The following UNC13C variants were observed in gnomAD, a reference collection of about 807,000 sequenced individuals.
UNC13C encodes the protein unc-13 homolog C.
UNC13C carries 174 observed loss-of-function variants against 245.4 expected under a neutral mutation model. The ratio of observed to expected loss-of-function variants is 0.71; its 90% CI spans 0.63 to 0.80. The LOEUF (loss-of-function observed/expected upper bound fraction) is 0.80, where lower values mean the gene tolerates loss of function less well. Ranked by LOEUF, UNC13C falls within the 30% of genes least tolerant of loss-of-function variation. The probability of loss-of-function intolerance (pLI) is 0.00; values close to 1 mark genes in which losing one functional copy is unlikely to be tolerated. For synonymous variants in UNC13C, 992 were observed against 895.1 expected (o/e 1.11, Z -1.93); for missense variants, 2,829 against 2,602.9 (o/e 1.09, Z -1.89).
chr15:53,992,393 G>A (rs1894431682), intron 1 of UNC13C, among the ~76,000 whole-genome samples: 1 of 152,004 alleles, frequency 6.6e-6, no homozygotes, highest in Admixed American at 6.6e-5. Context: ...TTGGTCTGGA[G>A]GTCCAGGAGG....
At chr15:54,011,453 A>C (rs908330613) in intron 1 of UNC13C, among the ~76,000 whole-genome samples, 17 of 152,318 alleles carry the variant, frequency 1.1e-4, no homozygotes, top group African/African-American at 4.1e-4. Flanking sequence ...ATGGGTAGAA[A>C]ATTTTATTCG....
chr15:53,889,184 C>T, the UNC13C span, among the ~76,000 whole-genome samples: 6 of 152,184 alleles, frequency 3.9e-5, no homozygotes, highest in Non-Finnish European at 7.3e-5. Context: ...TATCTATGAG[C>T]ATGGAATGTT....
In UNC13C at chr15:54,586,740, C is replaced by G. The variant is rs1898510177; in HGVS notation, c.6106+18793C>G. 3.3e-5 allele frequency among the ~76,000 whole-genome samples: 5 copies of G among 152,284 alleles called. No homozygotes were observed. In the South Asian group the frequency reaches 1.0e-3, roughly 32 times the overall value. ...TGTCATCATGCAGATGCAAGTAATG[C>G]AAGTTGCAAGTAATAATCAAGGAAA... On this transcript the variant is annotated intron_variant, in intron 30 of 32. Transcript: ENST00000260323.
chr15:54,089,009 T>C (rs139963121), intron 2 of UNC13C, among the ~76,000 whole-genome samples: 1 of 152,264 alleles, frequency 6.6e-6, no homozygotes, highest in African/African-American at 2.4e-5. Flanking sequence ...CTTGGCAATG[T>C]CATAGTCCTG....
the UNC13C span, among the ~76,000 whole-genome samples, chr15:53,861,418 T>C: frequency 3.3e-5 from 5 of 151,944 alleles, no homozygotes; most frequent in South Asian, 8.3e-4. Flanking sequence ...CAACTCCATA[T>C]TTTTTGCGTG....
chr15:54,344,594 A>C (rs1003959928), intron 17 of UNC13C, among the ~76,000 whole-genome samples: 5 of 152,252 alleles, frequency 3.3e-5, no homozygotes, highest in Non-Finnish European at 7.4e-5. Context: ...TTGGAGCTGA[A>C]TTATTTAGGG....
rs1191400262 is a variant in UNC13C at position 54,627,374 on chromosome 15, C to CATTTCACATTCATTAAACATAATTTTTA, written c.*263_*290dup. The CATTTCACATTCATTAAACATAATTTTTA allele has an allele frequency of 4.8e-5, 14 of 288,802 alleles. No homozygotes were observed. The highest frequency in any genetic ancestry group is 2.1e-3 in the Middle Eastern group (2 of 942). 17.9% of individuals were successfully genotyped at this position (288,802 alleles called of 1,614,324 possible). ...AACATGTTTATTTTGTTTCTTTACC[C>CATTTCACATTCATTAAACATAATTTTTA]ATTTCACATTCATTAAACATAATTT... On this transcript the variant is annotated 3_prime_UTR_variant, in exon 33 of 33. Transcript: ENST00000260323.
intron 4 of UNC13C, among the ~76,000 whole-genome samples, chr15:54,227,159 C>T (rs1318522508): frequency 2.6e-5 from 4 of 152,108 alleles, no homozygotes; most frequent in Non-Finnish European, 5.9e-5. Flanking sequence ...TAGCTCCTTT[C>T]CTCAGGCAGA....
chr15:54,247,944 C>G (rs2036040228), intron 7 of UNC13C, among the ~76,000 whole-genome samples: 1 of 152,048 alleles, frequency 6.6e-6, no homozygotes, highest in South Asian at 2.1e-4. Context: ...ATTTTTATTA[C>G]TCCTACTATA....
At chr15:54,605,480 T>C (rs760122618) in intron 30 of UNC13C, among the ~76,000 whole-genome samples, 12 of 152,218 alleles carry the variant, frequency 7.9e-5, no homozygotes, top group Non-Finnish European at 1.5e-4. Context: ...CCCATACTTG[T>C]AGGTCTTAAC....
rs767946202 is a variant in UNC13C at position 54,012,960 on chromosome 15, A to G, written c.57A>G (p.Lys19=). 1.7e-5 allele frequency: 28 copies of G among 1,613,406 alleles called. No homozygotes were observed. The highest frequency in any genetic ancestry group is 2.2e-5 in the East Asian group (1 of 44,898). The change falls in exon 2 of 33, where the codon AAA becomes AAG. Residue 19 remains lysine, a synonymous_variant. Coordinates refer to ENST00000260323, the MANE Select transcript of UNC13C (RefSeq NM_001080534.3). ...LILPYIHKLC[K]GMFTKKLGNT... ...TACCTTACATTCATAAGCTTTGCAAAGGAATGTTTACAAAGAAATTGGGAA... is the reference window on the plus strand; with the variant it reads ...TACCTTACATTCATAAGCTTTGCAAGGGAATGTTTACAAAGAAATTGGGAA...
At chr15:54,147,822 C>T (rs1289950958) in intron 4 of UNC13C, among the ~76,000 whole-genome samples, 1 of 58,456 alleles carries the variant, frequency 1.7e-5, no homozygotes, top group African/African-American at 4.6e-5. Context: ...ATGTGTGTGT[C>T]TATTCTCTAA....
chr15:54,049,646 C>G (rs1220145508), intron 2 of UNC13C: 1 of 247,898 alleles, frequency 4.0e-6, no homozygotes, highest in Non-Finnish European at 8.0e-6. Flanking sequence ...CCCAATTCCA[C>G]ACACTCCAGC....
At chr15:54,394,130 A>G (rs2140918921) in intron 18 of UNC13C, among the ~76,000 whole-genome samples, 1 of 152,010 alleles carries the variant, frequency 6.6e-6, no homozygotes, top group Admixed American at 6.6e-5. Context: ...CGTTAGGGTC[A>G]TTGTTTATGT....
At chr15:54,273,867 C>T (rs1008285507) in intron 10 of UNC13C, among the ~76,000 whole-genome samples, 3 of 152,144 alleles carry the variant, frequency 2.0e-5, no homozygotes, top group Admixed American at 2.0e-4. Flanking sequence ...TAGTACTGTC[C>T]CTGGCCAAAC....
intron 4 of UNC13C, among the ~76,000 whole-genome samples, chr15:54,154,041 G>T (rs921407144): frequency 2.0e-5 from 3 of 151,852 alleles, no homozygotes; most frequent in Admixed American, 2.0e-4. Context: ...TTTATGCCTG[G>T]AATATTCAAA....
chr15:54,279,952 A>T (rs912055058), intron 10 of UNC13C, among the ~76,000 whole-genome samples: 6 of 151,970 alleles, frequency 3.9e-5, no homozygotes, highest in Non-Finnish European at 5.9e-5. Flanking sequence ...AATATTAAAC[A>T]GTAAAAATTC....
intron 6 of UNC13C, among the ~76,000 whole-genome samples, chr15:54,237,395 A>G (rs1285950381): frequency 2.6e-5 from 4 of 152,124 alleles, no homozygotes; most frequent in African/African-American, 9.7e-5. Context: ...TTCATCATCT[A>G]TAAAATGTAG....
At chr15:54,301,792 G>C in intron 13 of UNC13C, among the ~76,000 whole-genome samples, 1 of 151,978 alleles carries the variant, frequency 6.6e-6, no homozygotes, top group Middle Eastern at 3.2e-3. Context: ...ATAATCCTTT[G>C]GGTATATATC....
Sources: gnomAD v4.1 joint callset for allele counts (sites outside exome capture counted in the v4.1 genomes callset) on GRCh38, gnomAD v4.1.1 for gene constraint, MANE v1.5 for transcripts, NCBI Gene and HGNC (gene_info 2026-07-23, HGNC 2026-07-21) for gene names.